The following ARHGEF10L variants were observed in gnomAD, a reference collection of about 807,000 sequenced individuals.
ARHGEF10L encodes the protein Rho guanine nucleotide exchange factor 10 like, also known as rho guanine nucleotide exchange factor 10-like protein.
ARHGEF10L carries 69 observed loss-of-function variants against 141.2 expected under a neutral mutation model. That is an observed-to-expected ratio of 0.49 (90% confidence interval 0.40 to 0.60). ARHGEF10L has a LOEUF of 0.60. Ranked by LOEUF, ARHGEF10L falls within the 20% of genes least tolerant of loss-of-function variation. The pLI is 0.00. For synonymous variants in ARHGEF10L, 711 were observed against 718.5 expected, an observed-to-expected ratio of 0.99 and a Z score of 0.17; for missense variants, 1,482 against 1,734.3, an observed-to-expected ratio of 0.85 and a Z score of 2.58.
chr1:17,627,714 T>G lies in ARHGEF10L; in HGVS notation c.1584+211T>G, dbSNP rs2060465230. 6.6e-6 allele frequency among the ~76,000 whole-genome samples: 1 copy of G among 152,210 alleles called. No individual in the cohort carries two copies. Among genetic ancestry groups the G allele is most frequent in the African/African-American group, 2.4e-5 (1 of 41,464 alleles). ...CATGTTATTTTAAGATAAAAGTTCA[T>G]TTTGTGCATCAGTGTGATTTCCAGT... is the stretch of plus-strand genomic sequence containing the variant. On this transcript the variant is annotated intron_variant, in intron 15 of 28. Coordinates refer to ENST00000361221, the MANE Select transcript of ARHGEF10L (RefSeq NM_018125.4). This position sits in a 1 kb window ranked among gnomAD's most constrained non-coding sequence, Gnocchi z 4.0.
intron 11 of ARHGEF10L, 136 bp from the exon 12 acceptor site, chr1:17,622,860 C>CAAT: frequency 7.1e-6 from 6 of 844,786 alleles, no homozygotes; most frequent in Non-Finnish European, 1.1e-5. Flanking sequence ...CGGAAGGACG[C>CAAT]ATGAGGAGTG....
chr1:17,626,176 G>A, intron 14 of ARHGEF10L, 128 bp downstream of exon 14: 1 of 709,050 alleles, frequency 1.4e-6, no homozygotes, highest in Non-Finnish European at 2.4e-6. Context: ...ACCTGCTGTG[G>A]GACTCTGGCC....
At chr1:17,684,371 G>A (rs2064387194) in intron 26 of ARHGEF10L, among the ~76,000 whole-genome samples, 1 of 152,200 alleles carries the variant, frequency 6.6e-6, no homozygotes, top group African/African-American at 2.4e-5. Context: ...GATATGGGCG[G>A]AGGGCTAGAG....
At chr1:17,527,927 G>A in the ARHGEF10L span, among the ~76,000 whole-genome samples, 23 of 149,522 alleles carry the variant, frequency 1.5e-4, 1 homozygote, top group African/African-American at 4.7e-4. Context: ...GGAATGCAGT[G>A]GCATGATCTT....
At chr1:17,633,521 A>C (rs1458757480) in intron 16 of ARHGEF10L, among the ~76,000 whole-genome samples, 1 of 150,362 alleles carries the variant, frequency 6.7e-6, no homozygotes, top group Non-Finnish European at 1.5e-5. Flanking sequence ...TTTTTTTTTT[A>C]ATTGTATTTT....
Position 17,632,698 on chromosome 1 carries a change from A to G in ARHGEF10L, c.1730+232A>G, listed in dbSNP as rs116401158. Among the ~76,000 whole-genome samples, 1,434 of 152,346 alleles carry G rather than the reference A, an allele frequency of 9.4e-3. 15 individuals carry two copies. Among genetic ancestry groups the G allele is most frequent in the Non-Finnish European group, 0.015 (1,032 of 68,032 alleles). On this transcript the variant is annotated intron_variant, in intron 16 of 28. Coordinates refer to ENST00000361221, the MANE Select transcript of ARHGEF10L (RefSeq NM_018125.4). ...CTCAGCCTCGGGCACACAGCTGTCC[A>G]TGGTACAGAGTTGTTTGTTTTGGAA...
In ARHGEF10L at chr1:17,616,279, A is replaced by G. The variant is rs1570942499; in HGVS notation, c.835+77A>G. 1.6e-5 allele frequency: 20 copies of G among 1,256,190 alleles called. No individual in the cohort carries two copies. In the East Asian group the frequency reaches 4.7e-4, roughly 30 times the overall value. The allele number at this position is 1,256,190 out of a possible 1,614,324, so 77.8% of individuals were successfully genotyped here. On this transcript the variant is annotated intron_variant, in intron 9 of 28. Transcript: ENST00000361221. ...CGGGGAGGGTGGGATTTTGCTTTAC[A>G]CCCCAGAGGTCATGCTGGGTGGGTA...
Position 17,696,964 on chromosome 1 carries a change from C to T in ARHGEF10L, c.3424C>T (p.Arg1142Trp), listed in dbSNP as rs139173841. The T allele has an allele frequency of 1.2e-5, 20 of 1,612,268 alleles. No individual in the cohort carries two copies. The highest frequency in any genetic ancestry group is 1.2e-4 in the African/African-American group (9 of 74,922). Reference sequence around the variant, plus strand: ...TGACCAGGAGGAGGCTGAGGGGCCCCGGGCTGAGGAGGACAAGCCAGACGG... The same window carrying T: ...TGACCAGGAGGAGGCTGAGGGGCCCTGGGCTGAGGAGGACAAGCCAGACGG... Reference protein sequence around the residue: ...RSDQEEAEGPRAEEDKPDGQA... With the variant: ...RSDQEEAEGPWAEEDKPDGQA... Residue 1142 changes from arginine to tryptophan, a missense_variant, in exon 29 of 29, where the codon CGG becomes TGG. Physicochemically the swap from Arg to Trp is moderately radical, Grantham distance 101 (BLOSUM62 -3). Coordinates refer to ENST00000361221, the MANE Select transcript of ARHGEF10L (RefSeq NM_018125.4).
chr1:17,557,389 G>A (rs574982780), intron 1 of ARHGEF10L, among the ~76,000 whole-genome samples: 16 of 152,004 alleles, frequency 1.1e-4, no homozygotes, highest in Non-Finnish European at 1.6e-4. Flanking sequence ...AAGAAAATGC[G>A]TAGGAACATG....
At chr1:17,631,018 G>A (rs548348343) in intron 15 of ARHGEF10L, among the ~76,000 whole-genome samples, 1 of 149,818 alleles carries the variant, frequency 6.7e-6, no homozygotes, top group Non-Finnish European at 1.5e-5. Flanking sequence ...GGGGATGCCC[G>A]GGGGTGATCT....
At chr1:17,599,343 A>AT (rs1293810418) in intron 4 of ARHGEF10L, among the ~76,000 whole-genome samples, 2 of 151,944 alleles carry the variant, frequency 1.3e-5, no homozygotes, top group African/African-American at 4.8e-5. Flanking sequence ...AAAAAAAAAA[A>AT]AGAAAAAGAA....
intron 1 of ARHGEF10L, among the ~76,000 whole-genome samples, chr1:17,544,360 G>A (rs983691990): frequency 7.3e-5 from 11 of 151,354 alleles, no homozygotes; most frequent in African/African-American, 2.4e-4. Flanking sequence ...GCATGATCTC[G>A]GCTCACTACA....
At chr1:17,586,169 C>T (rs1023356966) in intron 2 of ARHGEF10L, among the ~76,000 whole-genome samples, 1 of 148,482 alleles carries the variant, frequency 6.7e-6, no homozygotes, top group Non-Finnish European at 1.5e-5. Flanking sequence ...ATCAATTGTA[C>T]CAAGGCTGAG....
chr1:17,607,732 G>A lies in ARHGEF10L; in HGVS notation c.434-70G>A. ...TCGCCCCACCTGGGTTCAGAAATTG[G>A]GTCTGAGGCTGGAAGTCTGGTAGGC... On this transcript the variant is annotated intron_variant, in intron 6 of 28. Coordinates refer to ENST00000361221, the MANE Select transcript of ARHGEF10L (RefSeq NM_018125.4). This position sits in a 1 kb window ranked among gnomAD's most constrained non-coding sequence, Gnocchi z 4.5. 1 of 1,393,176 alleles carries A rather than the reference G, an allele frequency of 7.2e-7. No homozygotes were observed. The highest frequency in any genetic ancestry group is 1.6e-5 in the South Asian group (1 of 61,004). 86.3% of individuals were successfully genotyped at this position (1,393,176 alleles called of 1,614,324 possible).
intron 1 of ARHGEF10L, among the ~76,000 whole-genome samples, chr1:17,557,241 G>T (rs924479881): frequency 2.6e-5 from 4 of 151,676 alleles, no homozygotes; most frequent in Non-Finnish European, 4.4e-5. Flanking sequence ...TACTCAGGAG[G>T]CTGAGGCAGG....
chr1:17,522,679 G>A, the ARHGEF10L span, among the ~76,000 whole-genome samples: 27 of 152,166 alleles, frequency 1.8e-4, no homozygotes, highest in African/African-American at 3.6e-4. Flanking sequence ...TTCTGTGCCC[G>A]CAAAGGCTTG....
intron 15 of ARHGEF10L, among the ~76,000 whole-genome samples, chr1:17,628,236 A>G (rs979255533): frequency 6.6e-6 from 1 of 152,166 alleles, no homozygotes; most frequent in Non-Finnish European, 1.5e-5. Context: ...AGGCTGAGGA[A>G]GGAGAATCAC....
At chr1:17,595,834 G>A (rs965392933) in intron 4 of ARHGEF10L, among the ~76,000 whole-genome samples, 1 of 152,168 alleles carries the variant, frequency 6.6e-6, no homozygotes, top group Non-Finnish European at 1.5e-5. Flanking sequence ...AGAACCCTGC[G>A]AGGGAGGTAG....
intron 25 of ARHGEF10L, among the ~76,000 whole-genome samples, chr1:17,662,358 G>A (rs1028347153): frequency 2.0e-5 from 3 of 152,202 alleles, no homozygotes; most frequent in Non-Finnish European, 4.4e-5. Flanking sequence ...CCGGAGAAGG[G>A]CAGGCGTGGT....
Sources: gnomAD v4.1 joint callset for allele counts (sites outside exome capture counted in the v4.1 genomes callset) on GRCh38, gnomAD v4.1.1 for gene constraint, Gnocchi (gnomAD v3.1) non-coding constraint, MANE v1.5 for transcripts, NCBI Gene and HGNC (gene_info 2026-07-23, HGNC 2026-07-21) for gene names.